The following IGF1R variants were observed in gnomAD, a reference collection of about 807,000 sequenced individuals.
IGF1R encodes insulin like growth factor 1 receptor.
In IGF1R, 44 loss-of-function variants were observed where a neutral mutation model predicts 144.6. That is an observed-to-expected ratio of 0.30 (90% CI 0.24 to 0.39). The LOEUF (loss-of-function observed/expected upper bound fraction) is 0.39, where lower values mean the gene tolerates loss of function less well. Among genes scored for constraint, IGF1R ranks in the 10% least tolerant of loss-of-function variants. The probability of loss-of-function intolerance (pLI) is 1.00; values close to 1 mark genes in which losing one functional copy is unlikely to be tolerated. For synonymous variants in IGF1R, 795 were observed against 722.8 expected, an observed-to-expected ratio of 1.10 and a Z score of -1.60; for missense variants, 1,355 against 1,833.7, an observed-to-expected ratio of 0.74 and a Z score of 4.77.
intron 2 of IGF1R, among the ~76,000 whole-genome samples, chr15:98,818,635 A>G (rs1241473412): frequency 6.6e-6 from 1 of 151,866 alleles, no homozygotes; most frequent in Non-Finnish European, 1.5e-5. Flanking sequence ...CAGCATTGGC[A>G]CTGTTGGCAT....
intron 19 of IGF1R, among the ~76,000 whole-genome samples, chr15:98,946,446 A>G (rs1416389760): frequency 2.0e-5 from 3 of 152,188 alleles, no homozygotes; most frequent in Non-Finnish European, 4.4e-5. Context: ...ATACAGCTGC[A>G]TTGAGCAAGA....
chr15:98,802,170 C>G (rs1248491610), intron 2 of IGF1R, among the ~76,000 whole-genome samples: 1 of 152,144 alleles, frequency 6.6e-6, no homozygotes, highest in Non-Finnish European at 1.5e-5. Flanking sequence ...TTAATACCTT[C>G]CTGTAGGTGC....
At chr15:98,685,145 A>G (rs984710633) in intron 1 of IGF1R, among the ~76,000 whole-genome samples, 12 of 151,708 alleles carry the variant, frequency 7.9e-5, no homozygotes, top group African/African-American at 2.2e-4. Context: ...GAGTCTCACT[A>G]TGTTGCCCAG....
At chr15:98,820,267 A>G (rs528939380) in intron 2 of IGF1R, among the ~76,000 whole-genome samples, 1 of 152,144 alleles carries the variant, frequency 6.6e-6, no homozygotes, top group Non-Finnish European at 1.5e-5. Context: ...ATACGTAGGT[A>G]ATTTCATATC....
rs548213851 is a variant in IGF1R, at chr15:98,763,177, C to A, written c.640+55070C>A. On this transcript the variant is annotated intron_variant, in intron 2 of 20. Coordinates refer to ENST00000650285, the MANE Select transcript of IGF1R (RefSeq NM_000875.5). ...GACAACTTTGAGAGAAAATTAAAAC[C>A]AATGCAGTGTGTGTAAATGCCATTT... Among the ~76,000 whole-genome samples, 8 of 152,068 alleles carry A rather than the reference C, an allele frequency of 5.3e-5. No homozygotes were observed. The South Asian group carries it at 1.2e-3, about 24-fold the overall frequency.
At chr15:98,666,974 G>A (rs974728842) in intron 1 of IGF1R, among the ~76,000 whole-genome samples, 9 of 151,984 alleles carry the variant, frequency 5.9e-5, no homozygotes, top group African/African-American at 2.2e-4. Flanking sequence ...GGAATAGTTG[G>A]GGAGACAAAT....
In IGF1R at chr15:98,691,302, G is replaced by A. The variant is rs567831611; in HGVS notation, c.95-16260G>A. On this transcript the variant is annotated intron_variant, in intron 1 of 20. Transcript: ENST00000650285. ...TGTCCTTGGTGACTTTGACAGTTTC[G>A]AGGGACACTGGCCAGGTTTTGTGCA... is the stretch of plus-strand genomic sequence containing the variant. Among the ~76,000 whole-genome samples, 8 of 151,910 alleles carry A rather than the reference G, an allele frequency of 5.3e-5. No homozygotes were observed. In the South Asian group the frequency reaches 1.5e-3, roughly 28 times the overall value.
intron 2 of IGF1R, among the ~76,000 whole-genome samples, chr15:98,842,270 G>T (rs1327703040): frequency 6.6e-6 from 1 of 152,128 alleles, no homozygotes; most frequent in Non-Finnish European, 1.5e-5. Flanking sequence ...TACTTCCTTT[G>T]ATAAGACAGA....
At chr15:98,789,756 T>G (rs2056087265) in intron 2 of IGF1R, among the ~76,000 whole-genome samples, 1 of 152,174 alleles carries the variant, frequency 6.6e-6, no homozygotes, top group East Asian at 1.9e-4. Flanking sequence ...TCTTAAACTC[T>G]GTGACAGTGG....
Position 98,961,201 on chromosome 15 carries a change from G to A in IGF1R, c.*3759G>A, listed in dbSNP as rs2017211569. 4.3e-6 allele frequency: 1 copy of A among 233,514 alleles called. No homozygotes were observed. The highest frequency in any genetic ancestry group is 2.2e-5 in the African/African-American group (1 of 45,330). The allele number at this position is 233,514 out of a possible 1,614,324, so 14.5% of individuals were successfully genotyped here. A position where few individuals can be genotyped will look rare whatever the true frequency, so the allele number is the denominator to read the frequency against. On this transcript the variant is annotated 3_prime_UTR_variant, in exon 21 of 21. Transcript: ENST00000650285. ...TCTTCCACACTGTAGGTGACCCCTTGGAATAACGGCCTCTCCTCTCGTGCA... is the reference window on the plus strand; with the variant it reads ...TCTTCCACACTGTAGGTGACCCCTTAGAATAACGGCCTCTCCTCTCGTGCA...
chr15:98,858,065 A>C (rs1229654096), intron 2 of IGF1R, among the ~76,000 whole-genome samples: 6 of 152,248 alleles, frequency 3.9e-5, no homozygotes. Context: ...GTATCAGCGG[A>C]TTCAAGCGTT....
chr15:98,739,504 G>A (rs1007871749), intron 2 of IGF1R, among the ~76,000 whole-genome samples: 6 of 152,082 alleles, frequency 3.9e-5, no homozygotes, highest in African/African-American at 1.5e-4. Flanking sequence ...ATTCTTGGTG[G>A]CTGATCAGGT....
At chr15:98,668,644 T>C (rs193262482) in intron 1 of IGF1R, among the ~76,000 whole-genome samples, 148 of 152,346 alleles carry the variant, frequency 9.7e-4, no homozygotes, top group African/African-American at 2.7e-3. Flanking sequence ...TTTTAAACTC[T>C]GCAGGAGCTA....
At chr15:98,819,381 G>T (rs190739160) in intron 2 of IGF1R, among the ~76,000 whole-genome samples, 13 of 152,308 alleles carry the variant, frequency 8.5e-5, no homozygotes, top group African/African-American at 3.1e-4. Context: ...GATATTAGGA[G>T]CTGGGGCCTT....
intron 2 of IGF1R, among the ~76,000 whole-genome samples, chr15:98,854,170 CG>C (rs2011662006): frequency 6.6e-6 from 1 of 152,108 alleles, no homozygotes; most frequent in Admixed American, 6.5e-5. Flanking sequence ...AGTTTTGCCC[CG>C]GGGCCATGAG....
At chr15:98,883,238 C>T (rs371917345) in intron 2 of IGF1R, among the ~76,000 whole-genome samples, 1 of 152,194 alleles carries the variant, frequency 6.6e-6, no homozygotes, top group Non-Finnish European at 1.5e-5. Context: ...GGCTGCAGCT[C>T]CAGGCAGAAA....
chr15:98,910,984 G>A (rs2014987566), intron 6 of IGF1R, among the ~76,000 whole-genome samples: 1 of 152,204 alleles, frequency 6.6e-6, no homozygotes, highest in African/African-American at 2.4e-5. Flanking sequence ...TTCATAGCCA[G>A]GATCTTAGGG....
chr15:98,726,768 G>A (rs1240366920), intron 2 of IGF1R, among the ~76,000 whole-genome samples: 1 of 138,224 alleles, frequency 7.2e-6, no homozygotes, highest in Admixed American at 7.8e-5. Flanking sequence ...CACCCCGGCT[G>A]GAGTGCAATG....
chr15:98,742,582 C>A (rs539282568), intron 2 of IGF1R, among the ~76,000 whole-genome samples: 1 of 152,266 alleles, frequency 6.6e-6, no homozygotes, highest in East Asian at 1.9e-4. Context: ...CTGAAACAGT[C>A]CCAGCCAGAA....
Sources: allele counts gnomAD v4.1 joint callset (sites outside exome capture counted in the v4.1 genomes callset), GRCh38; gene constraint gnomAD v4.1.1; transcripts MANE v1.5; gene names NCBI Gene and HGNC (gene_info 2026-07-23, HGNC 2026-07-21).